GRM8: variants seen among roughly 807,000 people sequenced by gnomAD.
The protein encoded by GRM8 is metabotropic glutamate receptor 8.
Under a neutral mutation model 87.2 loss-of-function variants are expected in GRM8, and 47 were observed. The observed-to-expected ratio is 0.54, with a 90% CI of 0.43 to 0.69. The LOEUF (loss-of-function observed/expected upper bound fraction) is 0.69, where lower values mean the gene tolerates loss of function less well. GRM8 is among the 30% of genes least tolerant of loss of function. The pLI is 0.00. For missense variants in GRM8, 1,019 were observed against 1,139.2 expected (o/e 0.89, Z 1.52); for synonymous variants, 396 against 404.5 (o/e 0.98, Z 0.25).
chr7:126,837,137 G>A (rs1005945756), intron 6 of GRM8, among the ~76,000 whole-genome samples: 11 of 151,710 alleles, frequency 7.3e-5, no homozygotes, highest in Non-Finnish European at 1.3e-4. Context: ...TCATTTAGTC[G>A]GCATAGGCAT....
At chr7:126,768,791 T>G (rs1818491914) in intron 7 of GRM8, among the ~76,000 whole-genome samples, 1 of 152,076 alleles carries the variant, frequency 6.6e-6, no homozygotes, top group African/African-American at 2.4e-5. Flanking sequence ...TAAAAATTAT[T>G]TTCAAACTCC....
At chr7:126,873,572 G>T (rs1481528782) in intron 6 of GRM8, among the ~76,000 whole-genome samples, 1 of 152,006 alleles carries the variant, frequency 6.6e-6, no homozygotes, top group African/African-American at 2.4e-5. Flanking sequence ...AAAATCAAAT[G>T]ACCAATCCCT....
At chr7:126,885,450 A>G (rs1800399302) in intron 6 of GRM8, among the ~76,000 whole-genome samples, 1 of 152,144 alleles carries the variant, frequency 6.6e-6, no homozygotes, top group Admixed American at 6.6e-5. Flanking sequence ...TAACCCCCAC[A>G]GTCTACTCTT....
At chr7:126,621,730 T>TA (rs1800194602) in intron 7 of GRM8, among the ~76,000 whole-genome samples, 3 of 133,252 alleles carry the variant, frequency 2.3e-5, no homozygotes, top group African/African-American at 7.7e-5. Context: ...CAATCACCAT[T>TA]TAAAAAAAAA....
chr7:126,963,984 C>T (rs768823737), intron 3 of GRM8, among the ~76,000 whole-genome samples: 7 of 152,164 alleles, frequency 4.6e-5, no homozygotes, highest in Non-Finnish European at 8.8e-5. Context: ...ACCAATGGAA[C>T]AGTACAGAGG....
chr7:126,544,667 G>A (rs1353373868), intron 8 of GRM8, among the ~76,000 whole-genome samples: 1 of 151,878 alleles, frequency 6.6e-6, no homozygotes, highest in Non-Finnish European at 1.5e-5. Context: ...ACGCCACCAC[G>A]CCCTGCTAAT....
intron 7 of GRM8, among the ~76,000 whole-genome samples, chr7:126,736,460 A>G (rs962736106): frequency 5.3e-5 from 8 of 152,042 alleles, no homozygotes; most frequent in Non-Finnish European, 1.0e-4. Flanking sequence ...TAATTTGAAC[A>G]AGGTTATTCA....
chr7:126,903,813 G>T, intron 5 of GRM8, among the ~76,000 whole-genome samples, 159 bp downstream of exon 5: 1 of 144,142 alleles, frequency 6.9e-6, no homozygotes, highest in Non-Finnish European at 1.5e-5. Context: ...GCATATGCAT[G>T]CTGGTTTAAA....
At chr7:126,731,581 A>G (rs1813585484) in intron 7 of GRM8, among the ~76,000 whole-genome samples, 1 of 152,056 alleles carries the variant, frequency 6.6e-6, no homozygotes, top group Admixed American at 6.6e-5. Context: ...AAAATGAACT[A>G]TTTCTACGCA....
intron 6 of GRM8, among the ~76,000 whole-genome samples, chr7:126,793,315 G>GA (rs1242269784): frequency 6.6e-6 from 1 of 152,140 alleles, no homozygotes; most frequent in African/African-American, 2.4e-5. Context: ...ATAAGAGAAG[G>GA]TTATGATAGA....
chr7:126,601,320 C>T (rs1469470644), intron 8 of GRM8, among the ~76,000 whole-genome samples: 1 of 152,038 alleles, frequency 6.6e-6, no homozygotes, highest in Non-Finnish European at 1.5e-5. Context: ...TTTTCTTAAT[C>T]CAGTCTATCG....
chr7:126,603,015 C>T (rs1032934144), intron 8 of GRM8, among the ~76,000 whole-genome samples: 13 of 147,440 alleles, frequency 8.8e-5, no homozygotes, highest in African/African-American at 3.2e-4. Context: ...AATCCAGCAG[C>T]ACATCAAAAA....
chr7:126,446,101 A>G, intron 10 of GRM8, 25 bp downstream of exon 10: 3 of 1,612,448 alleles, frequency 1.9e-6, no homozygotes, highest in Non-Finnish European at 2.5e-6. Context: ...GCTCTTGACC[A>G]TCGGAAACTC....
intron 3 of GRM8, among the ~76,000 whole-genome samples, chr7:127,093,521 C>T (rs1824355231): frequency 6.6e-6 from 1 of 152,200 alleles, no homozygotes; most frequent in East Asian, 1.9e-4. Flanking sequence ...GCCCGTTATG[C>T]ACATGCCAGC....
chr7:126,986,558 C>T (rs936196522), intron 3 of GRM8, among the ~76,000 whole-genome samples: 1 of 152,160 alleles, frequency 6.6e-6, no homozygotes, highest in Non-Finnish European at 1.5e-5. Context: ...AGAAGCTATG[C>T]ACTTTTATAT....
At chr7:126,765,771 T>A (rs1175184424) in intron 7 of GRM8, among the ~76,000 whole-genome samples, 1 of 152,130 alleles carries the variant, frequency 6.6e-6, no homozygotes, top group Non-Finnish European at 1.5e-5. Flanking sequence ...AAAGTCTTTG[T>A]TTCCTTCTGG....
At chr7:126,583,773 G>C (rs928660836) in intron 8 of GRM8, among the ~76,000 whole-genome samples, 3 of 152,168 alleles carry the variant, frequency 2.0e-5, no homozygotes, top group Non-Finnish European at 4.4e-5. Context: ...GTGGTTTCTT[G>C]AGACAGAATC....
At chr7:126,887,898 T>C (rs1315818325) in intron 6 of GRM8, among the ~76,000 whole-genome samples, 1 of 152,002 alleles carries the variant, frequency 6.6e-6, no homozygotes, top group Non-Finnish European at 1.5e-5. Context: ...GCTAACAGTT[T>C]CCTGGACTCT....
At chr7:126,460,861 T>C (rs1055632992) in intron 9 of GRM8, among the ~76,000 whole-genome samples, 1 of 151,492 alleles carries the variant, frequency 6.6e-6, no homozygotes, top group African/African-American at 2.4e-5. Context: ...GCAACTGACA[T>C]AAGTTCTCAG....
Sources: allele counts gnomAD v4.1 joint callset (sites outside exome capture counted in the v4.1 genomes callset), GRCh38; gene constraint gnomAD v4.1.1; transcripts MANE v1.5; gene names NCBI Gene and HGNC (gene_info 2026-07-23, HGNC 2026-07-21).